CD79A: variants seen among roughly 807,000 people sequenced by gnomAD.
CD79A encodes the protein B-cell antigen receptor complex-associated protein alpha chain.
In CD79A, 16 loss-of-function variants were observed where a neutral mutation model predicts 27.4. That is an observed-to-expected ratio of 0.58 (90% CI 0.40 to 0.89). The LOEUF is 0.89. CD79A is among the 40% of genes least tolerant of loss of function. CD79A has a pLI of 0.00. For missense variants in CD79A, 237 were observed against 299.7 expected (o/e 0.79, Z 1.55); for synonymous variants, 110 against 132.7 (o/e 0.83, Z 1.18).
At position 41,879,710 on chromosome 19, in the gene CD79A, C is replaced by T; in HGVS notation, c.498+57C>T. ...GCGAGGGCCTGGGCCGAGGGACCCCCAATACCCAGGTAGCCCTCTAGAGCC... is the reference window on the plus strand; with the variant it reads ...GCGAGGGCCTGGGCCGAGGGACCCCTAATACCCAGGTAGCCCTCTAGAGCC... On this transcript the variant is annotated intron_variant, in intron 3 of 4. Transcript: ENST00000221972. The surrounding 1 kb of genome is among the most constrained non-coding windows in gnomAD (Gnocchi z 5.1). 1 of 1,197,580 alleles carries T rather than the reference C, an allele frequency of 8.4e-7. No individual in the cohort carries two copies. The highest frequency in any genetic ancestry group is 1.2e-6 in the Non-Finnish European group (1 of 810,962). 74.2% of individuals were successfully genotyped at this position (1,197,580 alleles called of 1,614,324 possible). A position where few individuals can be genotyped will look rare whatever the true frequency, so the allele number is the denominator to read the frequency against.
Position 41,877,447 on chromosome 19 carries a change from C to T in CD79A, c.79+64C>T, listed in dbSNP as rs2074195397. 7.4e-7 allele frequency: 1 copy of T among 1,356,814 alleles called. No individual in the cohort carries two copies. Among genetic ancestry groups the T allele is most frequent in the Admixed American group, 1.7e-5 (1 of 59,560 alleles). The allele number at this position is 1,356,814 out of a possible 1,614,324, so 84.0% of individuals were successfully genotyped here. On this transcript the variant is annotated intron_variant, in intron 1 of 4. Transcript: ENST00000221972. This position sits in a 1 kb window ranked among gnomAD's most constrained non-coding sequence, Gnocchi z 4.1. ...GAAGCTGTGGAGGCTGCAGAGAGGG[C>T]ACAGGCAGAGGGAAGGGGGCTCAGG... is the stretch of plus-strand genomic sequence containing the variant.
At chr19:41,880,605 G>A (rs1445442415) in intron 3 of CD79A, 65 bp from the exon 4 acceptor site, 1 of 1,234,998 alleles carries the variant, frequency 8.1e-7, no homozygotes, top group Non-Finnish European at 1.2e-6. Context: ...CTGGCATCCA[G>A]GAGGGTCTGA....
At chr19:41,880,470 A>G (rs2074216383) in intron 3 of CD79A, among the ~76,000 whole-genome samples, 200 bp from the exon 4 acceptor site, 1 of 145,150 alleles carries the variant, frequency 6.9e-6, no homozygotes, top group South Asian at 2.2e-4. Context: ...GGAAGGAAGG[A>G]AGGAAGGAAG....
At chr19:41,880,779 G>C in intron 4 of CD79A, 41 bp downstream of exon 4, 1 of 1,510,292 alleles carries the variant, frequency 6.6e-7, no homozygotes, top group South Asian at 1.2e-5. Context: ...AGTTGTGTTA[G>C]GGGTGGGGGT....
chr19:41,877,335 C>T lies in CD79A; in HGVS notation c.31C>T (p.Leu11=). The T allele has an allele frequency of 6.2e-7, 1 of 1,614,214 alleles. No homozygotes were observed. Among genetic ancestry groups the T allele is most frequent in the Non-Finnish European group, 8.5e-7 (1 of 1,180,024 alleles). Residue 11 remains leucine, a synonymous_variant, in exon 1 of 5, where the codon CTG becomes TTG. Transcript: ENST00000221972. This position sits in a 1 kb window ranked among gnomAD's most constrained non-coding sequence, Gnocchi z 4.1. The stretch of plus-strand genomic sequence containing the variant: ...TGGGGGTCCAGGAGTCCTCCAAGCT[C>T]TGCCTGCCACCATCTTCCTCCTCTT... MPGGPGVLQA[L]PATIFLLFLL...
In CD79A at chr19:41,879,898, C is replaced by A. The variant is rs2074211701; in HGVS notation, c.498+245C>A. On this transcript the variant is annotated intron_variant, in intron 3 of 4. Transcript: ENST00000221972. The surrounding 1 kb of genome is among the most constrained non-coding windows in gnomAD (Gnocchi z 5.1). ...TGGGCTGTCCTCACGTCCACCTCCCCCCAAGAAGAGTCTCATTCTTCTCCC... is the reference window on the plus strand; with the variant it reads ...TGGGCTGTCCTCACGTCCACCTCCCACCAAGAAGAGTCTCATTCTTCTCCC... 6.6e-6 allele frequency among the ~76,000 whole-genome samples: 1 copy of A among 152,242 alleles called. No homozygotes were observed. The highest frequency in any genetic ancestry group is 1.5e-5 in the Non-Finnish European group (1 of 68,004).
chr19:41,877,405 A>C lies in CD79A; in HGVS notation c.79+22A>C. On this transcript the variant is annotated intron_variant, in intron 1 of 4. Transcript: ENST00000221972. This position sits in a 1 kb window ranked among gnomAD's most constrained non-coding sequence, Gnocchi z 4.1. ...CTGGGTATGTGGCCAAAGGGCAGGA[A>C]CTGGCGGGAGGTGGGGGAAGCTGTG... 1 of 1,604,288 alleles carries C rather than the reference A, an allele frequency of 6.2e-7. No individual in the cohort carries two copies.
chr19:41,880,353 C>T (rs537236723), intron 3 of CD79A, among the ~76,000 whole-genome samples: 1 of 147,196 alleles, frequency 6.8e-6, no homozygotes, highest in Non-Finnish European at 1.5e-5. Flanking sequence ...AGCACTTCAG[C>T]CTGGGCAACT....
Position 41,879,540 on chromosome 19 carries a change from C to G in CD79A, c.385C>G (p.Pro129Ala). 1 of 1,601,154 alleles carries G rather than the reference C, an allele frequency of 6.2e-7. No individual in the cohort carries two copies. The highest frequency in any genetic ancestry group is 1.1e-5 in the South Asian group (1 of 90,158). Reference protein sequence around the residue: ...CGTYLRVRQPPPRPFLDMGEG... With the variant: ...CGTYLRVRQPAPRPFLDMGEG... ...GCCATACTACCTCCTTGCAGAGCCG[C>G]CCCCCAGGCCCTTCCTGGACATGGG... The change falls in exon 3 of 5, where the codon CCC becomes GCC. Residue 129 changes from proline (P) to alanine (A), a missense_variant. Pro to Ala is a conservative substitution (Grantham distance 27, BLOSUM62 -1). Transcript: ENST00000221972. The surrounding 1 kb of genome is among the most constrained non-coding windows in gnomAD (Gnocchi z 5.1).
At chr19:41,880,610 G>A (rs1304524246) in intron 3 of CD79A, 60 bp from the exon 4 acceptor site, 3 of 1,283,256 alleles carry the variant, frequency 2.3e-6, no homozygotes, top group Non-Finnish European at 3.3e-6. Context: ...ATCCAGGAGG[G>A]TCTGAAAGAT....
Position 41,879,437 on chromosome 19 carries a change from T to A in CD79A, c.380-98T>A. The stretch of plus-strand genomic sequence containing the variant: ...GGACATTCTCCTCTGCAGAGTGGGG[T>A]CTCTGGGGGGTCTGGGGCCTTGCAG... On this transcript the variant is annotated intron_variant, in intron 2 of 4. Coordinates refer to ENST00000221972, the MANE Select transcript of CD79A (RefSeq NM_001783.4). The surrounding 1 kb of genome is among the most constrained non-coding windows in gnomAD (Gnocchi z 5.1). The A allele has an allele frequency of 8.3e-7, 1 of 1,205,104 alleles. No homozygotes were observed. The highest frequency in any genetic ancestry group is 1.2e-6 in the Non-Finnish European group (1 of 842,358). The allele number at this position is 1,205,104 out of a possible 1,614,324, so 74.7% of individuals were successfully genotyped here.
chr19:41,880,646 C>A, intron 3 of CD79A, 24 bp from the exon 4 acceptor site: 1 of 1,069,102 alleles, frequency 9.4e-7, no homozygotes, highest in Non-Finnish European at 1.4e-6. Context: ...CTCACTGAGG[C>A]ACCCACCCCA....
At chr19:41,880,525 C>A (rs1600632598) in intron 3 of CD79A, 145 bp from the exon 4 acceptor site, 1 of 702,064 alleles carries the variant, frequency 1.4e-6, no homozygotes. Context: ...GTTGTAGACT[C>A]AGAGAGAACT....
Position 41,877,465 on chromosome 19 carries a change from G to T in CD79A, c.79+82G>T, listed in dbSNP as rs1376684738. 3.5e-6 allele frequency: 4 copies of T among 1,153,772 alleles called. No individual in the cohort carries two copies. The Admixed American group carries it at 5.1e-5, about 15-fold the overall frequency. The allele number at this position is 1,153,772 out of a possible 1,614,324, so 71.5% of individuals were successfully genotyped here. A position where few individuals can be genotyped will look rare whatever the true frequency, so the allele number is the denominator to read the frequency against. ...GAGAGGGCACAGGCAGAGGGAAGGG[G>T]GCTCAGGGAAAGGGGAAGAGGAGGC... On this transcript the variant is annotated intron_variant, in intron 1 of 4. Transcript: ENST00000221972. The surrounding 1 kb of genome is among the most constrained non-coding windows in gnomAD (Gnocchi z 4.1).
intron 3 of CD79A, among the ~76,000 whole-genome samples, chr19:41,880,408 A>C (rs1477924383): frequency 7.0e-6 from 1 of 142,296 alleles, no homozygotes; most frequent in Admixed American, 7.3e-5. Context: ...AGAGAGAGAG[A>C]GAGAGAGAGA....
chr19:41,878,962 C>CA lies in CD79A; in HGVS notation c.80-28_80-27insA. On this transcript the variant is annotated intron_variant, in intron 1 of 4. Transcript: ENST00000221972. This position sits in a 1 kb window ranked among gnomAD's most constrained non-coding sequence, Gnocchi z 4.3. ...GGAAATGTGTCACCATCCCCAGTCC[C>CA]TGACCCACCCACCCTGTCTCTCCAC... 5.3e-6 allele frequency: 7 copies of CA among 1,316,146 alleles called. No homozygotes were observed. Among genetic ancestry groups the CA allele is most frequent in the Non-Finnish European group, 6.5e-6 (6 of 919,938 alleles). 81.5% of individuals were successfully genotyped at this position (1,316,146 alleles called of 1,614,324 possible).
chr19:41,880,667 C>CAAAAA lies in CD79A; in HGVS notation c.499-2_499-1insAAAAA. Reference sequence around the variant, plus strand: ...GAGGCACCCACCCCACCCACCCCTACAGAAACGATGGCAGAACGAGAAGCT... The same window carrying CAAAAA: ...GAGGCACCCACCCCACCCACCCCTACAAAAAAGAAACGATGGCAGAACGAGAAGCT... On this transcript the variant is annotated splice_polypyrimidine_tract_variant and splice_region_variant and intron_variant, in intron 3 of 4. Coordinates refer to ENST00000221972, the MANE Select transcript of CD79A (RefSeq NM_001783.4). 6.8e-7 allele frequency: 1 copy of CAAAAA among 1,463,114 alleles called. No homozygotes were observed. The highest frequency in any genetic ancestry group is 9.3e-7 in the Non-Finnish European group (1 of 1,075,310). 90.6% of individuals were successfully genotyped at this position (1,463,114 alleles called of 1,614,324 possible). A position where few individuals can be genotyped will look rare whatever the true frequency, so the allele number is the denominator to read the frequency against.
chr19:41,880,643 A>AGGCC, intron 3 of CD79A, 27 bp from the exon 4 acceptor site: 1 of 1,171,722 alleles, frequency 8.5e-7, no homozygotes, highest in Non-Finnish European at 1.2e-6. Context: ...CTGCTCACTG[A>AGGCC]GGCACCCACC....
Position 41,879,634 on chromosome 19 carries a change from G to T in CD79A, c.479G>T (p.Gly160Val). ...IILLFCAVVP[G>V]TLLLFRKRWQ... ...CTCCTGTTCTGCGCGGTGGTGCCTG[G>T]GACGCTGCTGCTGTTCAGGGTGAGC... The change falls in exon 3 of 5, where the codon GGG (glycine) becomes GTG (valine). Residue 160 changes from glycine to valine, a missense_variant. Physicochemically the swap from Gly to Val is moderately radical, Grantham distance 109. Coordinates refer to ENST00000221972, the MANE Select transcript of CD79A (RefSeq NM_001783.4). This position sits in a 1 kb window ranked among gnomAD's most constrained non-coding sequence, Gnocchi z 5.1. 6.2e-7 allele frequency: 1 copy of T among 1,610,058 alleles called. No individual in the cohort carries two copies. The highest frequency in any genetic ancestry group is 8.5e-7 in the Non-Finnish European group (1 of 1,177,456).
Sources: allele counts gnomAD v4.1 joint callset (sites outside exome capture counted in the v4.1 genomes callset), GRCh38; gene constraint gnomAD v4.1.1; non-coding constraint Gnocchi (gnomAD v3.1); transcripts MANE v1.5; gene names NCBI Gene and HGNC (gene_info 2026-07-23, HGNC 2026-07-21).